STXBP5L: variants seen among roughly 807,000 people sequenced by gnomAD.
STXBP5L encodes syntaxin-binding protein 5-like.
STXBP5L carries 65 observed loss-of-function variants against 144.5 expected under a neutral mutation model. The ratio of observed to expected loss-of-function variants is 0.45; its 90% CI spans 0.37 to 0.55. The LOEUF (loss-of-function observed/expected upper bound fraction) is 0.55. STXBP5L is among the 20% of genes least tolerant of loss of function. STXBP5L has a pLI of 0.00. For synonymous variants in STXBP5L, 505 were observed against 469.6 expected (o/e 1.08, Z -0.97); for missense variants, 1,298 against 1,405.5 (o/e 0.92, Z 1.22).
At chr3:120,950,953 A>C (rs1260015782) in intron 2 of STXBP5L, among the ~76,000 whole-genome samples, 1 of 152,048 alleles carries the variant, frequency 6.6e-6, no homozygotes, top group Non-Finnish European at 1.5e-5. Context: ...GTACCAAAAC[A>C]GATATAGATC....
chr3:121,203,883 T>C lies in STXBP5L; in HGVS notation c.878-2040T>C, dbSNP rs1014769647. ...CCTGGCTGTGTCACTTTTTTATTTC[T>C]CTCTATTCCCACATCATTACCAAAG... On this transcript the variant is annotated intron_variant, in intron 9 of 26. Coordinates refer to ENST00000471454, the MANE Select transcript of STXBP5L (RefSeq NM_001308330.2). Among the ~76,000 whole-genome samples, 2 of 152,170 alleles carry C rather than the reference T, an allele frequency of 1.3e-5. 1 individual carries two copies. The highest frequency in any genetic ancestry group is 2.9e-5 in the Non-Finnish European group (2 of 68,028).
intron 6 of STXBP5L, among the ~76,000 whole-genome samples, chr3:121,118,188 G>A (rs867807717): frequency 1.3e-4 from 19 of 151,564 alleles, no homozygotes; most frequent in Non-Finnish European, 1.6e-4. Context: ...TTTAATGGAG[G>A]CAAAGTTAAA....
intron 3 of STXBP5L, among the ~76,000 whole-genome samples, chr3:121,010,256 G>A (rs1944672560): frequency 6.6e-6 from 1 of 151,796 alleles, no homozygotes; most frequent in Admixed American, 6.6e-5. Flanking sequence ...TGGGGAAGGA[G>A]TGAGGGAATC....
intron 5 of STXBP5L, among the ~76,000 whole-genome samples, chr3:121,052,027 C>A (rs1948048270): frequency 6.6e-6 from 1 of 152,108 alleles, no homozygotes; most frequent in Non-Finnish European, 1.5e-5. Flanking sequence ...CAAGACTAAA[C>A]CAGGGAGACG....
At chr3:120,947,726 A>C (rs1008729227) in intron 2 of STXBP5L, among the ~76,000 whole-genome samples, 2 of 151,858 alleles carry the variant, frequency 1.3e-5, no homozygotes, top group Admixed American at 6.6e-5. Context: ...GTATGTGACT[A>C]GCTTCTTCAG....
At chr3:120,984,379 G>A (rs534774543) in intron 3 of STXBP5L, among the ~76,000 whole-genome samples, 34 of 152,206 alleles carry the variant, frequency 2.2e-4, no homozygotes, top group Admixed American at 9.2e-4. Context: ...TTTTTGAATA[G>A]TTTCTTGAAT....
chr3:121,345,638 G>A lies in STXBP5L; in HGVS notation c.2176+27098G>A, dbSNP rs532219312. ...ACACTCCCACAAACAGTGTAAAAGC[G>A]TGCCTATTTCTCCACATCCTCTCCA... On this transcript the variant is annotated intron_variant, in intron 20 of 26. Coordinates refer to ENST00000471454, the MANE Select transcript of STXBP5L (RefSeq NM_001308330.2). Among the ~76,000 whole-genome samples the A allele has an allele frequency of 1.1e-4, 16 of 152,078 alleles. No individual in the cohort carries two copies. The South Asian group carries it at 1.5e-3, about 14-fold the overall frequency.
intron 20 of STXBP5L, among the ~76,000 whole-genome samples, chr3:121,352,235 C>A (rs987261201): frequency 2.6e-5 from 4 of 152,022 alleles, no homozygotes; most frequent in Non-Finnish European, 4.4e-5. Context: ...TCATTGGTAG[C>A]TTGATGGGGA....
At chr3:120,995,896 C>G (rs887132306) in intron 3 of STXBP5L, among the ~76,000 whole-genome samples, 1 of 152,060 alleles carries the variant, frequency 6.6e-6, no homozygotes, top group South Asian at 2.1e-4. Flanking sequence ...CTTATCATTT[C>G]CTTTCTGCTG....
intron 16 of STXBP5L, among the ~76,000 whole-genome samples, chr3:121,256,092 T>C (rs907487930): frequency 1.4e-4 from 22 of 152,096 alleles, no homozygotes; most frequent in Non-Finnish European, 2.8e-4. Context: ...ATGATTCAGT[T>C]TCATCACATG....
At chr3:121,342,834 T>C (rs2044774089) in intron 20 of STXBP5L, among the ~76,000 whole-genome samples, 2 of 148,266 alleles carry the variant, frequency 1.3e-5, no homozygotes, top group Admixed American at 6.8e-5. Context: ...TATAGCAGCA[T>C]GATTTATAGT....
At chr3:120,987,993 T>C (rs533540466) in intron 3 of STXBP5L, among the ~76,000 whole-genome samples, 1 of 151,978 alleles carries the variant, frequency 6.6e-6, no homozygotes, top group South Asian at 2.1e-4. Context: ...ATAGGACTAT[T>C]TTGTTTGTTG....
At chr3:121,116,845 A>G (rs1309079477) in intron 6 of STXBP5L, among the ~76,000 whole-genome samples, 3 of 151,980 alleles carry the variant, frequency 2.0e-5, no homozygotes, top group Non-Finnish European at 2.9e-5. Context: ...CAGGATATTG[A>G]TAAAAACATA....
intron 10 of STXBP5L, among the ~76,000 whole-genome samples, chr3:121,209,374 T>G (rs1398835360): frequency 1.3e-5 from 2 of 152,208 alleles, no homozygotes; most frequent in African/African-American, 4.8e-5. Flanking sequence ...TGGAACTAAT[T>G]TACACTCCCA....
chr3:121,084,873 T>A (rs924215928), intron 5 of STXBP5L, among the ~76,000 whole-genome samples: 1 of 152,148 alleles, frequency 6.6e-6, no homozygotes, highest in Non-Finnish European at 1.5e-5. Flanking sequence ...CTCGCCAGCA[T>A]CTGTTGTTTC....
chr3:121,132,427 C>G (rs778571825), intron 7 of STXBP5L, among the ~76,000 whole-genome samples: 8 of 152,148 alleles, frequency 5.3e-5, no homozygotes, highest in Non-Finnish European at 1.2e-4. Flanking sequence ...GGGGTCAGCA[C>G]AGAGTGAGAA....
intron 9 of STXBP5L, among the ~76,000 whole-genome samples, chr3:121,165,917 T>G (rs1397412191): frequency 2.0e-5 from 3 of 152,224 alleles, no homozygotes; most frequent in Admixed American, 6.5e-5. Flanking sequence ...TTTATATTTT[T>G]TATTTGTTAT....
intron 5 of STXBP5L, among the ~76,000 whole-genome samples, chr3:121,055,609 C>A (rs1948399640): frequency 1.3e-5 from 2 of 152,006 alleles, no homozygotes; most frequent in South Asian, 4.2e-4. Flanking sequence ...CTCCTGGGCT[C>A]AAGCAATCCT....
At chr3:121,316,503 G>T (rs1383064317) in intron 19 of STXBP5L, among the ~76,000 whole-genome samples, 2 of 152,112 alleles carry the variant, frequency 1.3e-5, no homozygotes, top group Non-Finnish European at 2.9e-5. Flanking sequence ...CCTCCTAGCT[G>T]TTTAACTTTG....
Sources: gnomAD v4.1 joint callset for allele counts (sites outside exome capture counted in the v4.1 genomes callset) on GRCh38, gnomAD v4.1.1 for gene constraint, MANE v1.5 for transcripts, NCBI Gene and HGNC (gene_info 2026-07-23, HGNC 2026-07-21) for gene names.